Variants in PRDM15 observed in about 807,000 individuals in gnomAD.
PRDM15 encodes PR/SET domain 15, also known as PR domain zinc finger protein 15.
In PRDM15, 64 loss-of-function variants were observed where a neutral mutation model predicts 128.6. The ratio of observed to expected loss-of-function variants is 0.50; its 90% confidence interval spans 0.41 to 0.61. The LOEUF is 0.61. Among genes scored for constraint, PRDM15 ranks in the 20% least tolerant of loss-of-function variants. The pLI is 0.00. For missense variants in PRDM15, 1,242 were observed against 1,569.1 expected, an observed-to-expected ratio of 0.79 and a Z score of 3.52; for synonymous variants, 615 against 621.8, an observed-to-expected ratio of 0.99 and a Z score of 0.16.
At chr21:41,825,518 C>T (rs1380290198) in intron 13 of PRDM15, among the ~76,000 whole-genome samples, 1 of 152,218 alleles carries the variant, frequency 6.6e-6, no homozygotes, top group Non-Finnish European at 1.5e-5. Flanking sequence ...TGGGATCGGC[C>T]ATGCTCTAAC....
chr21:41,850,170 C>T (rs1012697148), intron 5 of PRDM15, among the ~76,000 whole-genome samples: 1 of 152,310 alleles, frequency 6.6e-6, no homozygotes, highest in East Asian at 1.9e-4. Flanking sequence ...GATTTCCATT[C>T]GTCCACGATC....
rs141367416 is a variant in PRDM15 at position 41,821,991 on chromosome 21, T to C, written c.1808A>G (p.Lys603Arg). Residue 603 changes from lysine to arginine, a missense_variant, in exon 15 of 24, where the codon AAG becomes AGG. Physicochemically the swap from Lys to Arg is conservative, Grantham distance 26. This residue lies in a region of PRDM15 where 602 missense variants were observed against 788.3 expected (regional missense o/e 0.76). Transcript: ENST00000398548. This position sits in a 1 kb window ranked among gnomAD's most constrained non-coding sequence, Gnocchi z 5.4. ...DDHQREEFIG[K>R]IGISSEENDD... is the part of the protein sequence containing the mutation. ...GTTTTCTTCCGAGGAGATCCCGATC[T>C]TGCCGATAAACTCTTCCCTCTGGTG... The C allele has an allele frequency of 5.1e-4, 828 of 1,614,206 alleles. No individual in the cohort carries two copies. The highest frequency in any genetic ancestry group is 4.3e-4 in the Non-Finnish European group (505 of 1,180,048).
rs1390889740 is a variant in PRDM15, at chr21:41,800,974, G to A, written c.*266C>T. 3 of 390,376 alleles carry A rather than the reference G, an allele frequency of 7.7e-6. No individual in the cohort carries two copies. The highest frequency in any genetic ancestry group is 3.8e-5 in the East Asian group (1 of 26,062). 24.2% of individuals were successfully genotyped at this position (390,376 alleles called of 1,614,324 possible). On this transcript the variant is annotated 3_prime_UTR_variant, in exon 24 of 24. Coordinates refer to ENST00000398548, the MANE Select transcript of PRDM15 (RefSeq NM_001040424.3). The stretch of plus-strand genomic sequence containing the variant: ...TGGTTCTGTAAGGGGAGGCAGATGC[G>A]GCCCCGGCCCAGGACTTACTGCCTT...
Position 41,817,791 on chromosome 21 carries a change from G to T in PRDM15, c.2260+1791C>A, listed in dbSNP as rs374666176. ...ACTAGCAACTGTTGCGTGATAGCAC[G>T]ATGACAATACTGGAATTTGGTATTC... is the stretch of plus-strand genomic sequence containing the variant. On this transcript the variant is annotated intron_variant, in intron 18 of 23. Coordinates refer to ENST00000398548, the MANE Select transcript of PRDM15 (RefSeq NM_001040424.3). Among the ~76,000 whole-genome samples, 12 of 152,302 alleles carry T rather than the reference G, an allele frequency of 7.9e-5. No individual in the cohort carries two copies. In the East Asian group the frequency reaches 1.7e-3, roughly 22 times the overall value.
At chr21:41,845,151 TC>T (rs555454812) in intron 6 of PRDM15, among the ~76,000 whole-genome samples, 1 of 432 alleles carries the variant, frequency 2.3e-3, no homozygotes, top group Non-Finnish European at 4.6e-3. Flanking sequence ...ACACAGCCCC[TC>T]CCCCCCTCAC....
At chr21:41,804,643 G>A (rs1394770023) in intron 21 of PRDM15, 29 bp from the exon 22 acceptor site, 5 of 1,516,556 alleles carry the variant, frequency 3.3e-6, no homozygotes, top group South Asian at 2.5e-5. Flanking sequence ...ATGAGCTGGG[G>A]GTCAGGGTGC....
rs1366787498 is a variant in PRDM15 at position 41,828,671 on chromosome 21, C to T, written c.1367-338G>A. ...GGAAAGCTGCCCAGTCCAAAGCTTC[C>T]CCTGGGCCTGCACCCTCCACCCAGC... On this transcript the variant is annotated intron_variant, in intron 11 of 23. Coordinates refer to ENST00000398548, the MANE Select transcript of PRDM15 (RefSeq NM_001040424.3). This position sits in a 1 kb window ranked among gnomAD's most constrained non-coding sequence, Gnocchi z 5.7. Among the ~76,000 whole-genome samples the T allele has an allele frequency of 5.3e-5, 8 of 151,956 alleles. No individual in the cohort carries two copies. The East Asian group carries it at 1.6e-3, about 29-fold the overall frequency.
At chr21:41,864,842 T>G (rs1233025523) in intron 1 of PRDM15, among the ~76,000 whole-genome samples, 4 of 152,046 alleles carry the variant, frequency 2.6e-5, no homozygotes, top group African/African-American at 2.4e-5. Flanking sequence ...CTCCTGCACA[T>G]GACCAGGCAC....
chr21:41,841,578 A>C (rs1409835433), intron 6 of PRDM15, among the ~76,000 whole-genome samples: 1 of 152,226 alleles, frequency 6.6e-6, no homozygotes, highest in Admixed American at 6.5e-5. Flanking sequence ...AGCCATACAT[A>C]AGGAAATTAG....
Position 41,821,980 on chromosome 21 carries a change from A to C in PRDM15, c.1819T>G (p.Ser607Ala). 6.2e-7 allele frequency: 1 copy of C among 1,614,212 alleles called. No homozygotes were observed. The highest frequency in any genetic ancestry group is 2.2e-5 in the East Asian group (1 of 44,884). ...GAATTGTCATCGTTTTCTTCCGAGG[A>C]GATCCCGATCTTGCCGATAAACTCT... ...REEFIGKIGI[S>A]SEENDDNSDE... Residue 607 changes from serine (S) to alanine (A), a missense_variant, in exon 15 of 24, where the codon TCC becomes GCC. Physicochemically the swap from Ser to Ala is moderately conservative, Grantham distance 99. Coordinates refer to ENST00000398548, the MANE Select transcript of PRDM15 (RefSeq NM_001040424.3). This position sits in a 1 kb window ranked among gnomAD's most constrained non-coding sequence, Gnocchi z 5.4.
At position 41,821,627 on chromosome 21, in the gene PRDM15, G is replaced by A. The variant is rs1255531412; in HGVS notation, c.1896+276C>T. Among the ~76,000 whole-genome samples, 2 of 152,182 alleles carry A rather than the reference G, an allele frequency of 1.3e-5. No homozygotes were observed. Among genetic ancestry groups the A allele is most frequent in the Non-Finnish European group, 2.9e-5 (2 of 68,018 alleles). On this transcript the variant is annotated intron_variant, in intron 15 of 23. Coordinates refer to ENST00000398548, the MANE Select transcript of PRDM15 (RefSeq NM_001040424.3). The surrounding 1 kb of genome is among the most constrained non-coding windows in gnomAD (Gnocchi z 5.4). ...TAGGAGGCCGACCCCCACACTTCATGTGTGTTCCTGAACCGTGTCACAAGG... is the reference window on the plus strand; with the variant it reads ...TAGGAGGCCGACCCCCACACTTCATATGTGTTCCTGAACCGTGTCACAAGG...
chr21:41,819,262 C>T (rs1303398302), intron 18 of PRDM15, among the ~76,000 whole-genome samples: 1 of 152,220 alleles, frequency 6.6e-6, no homozygotes, highest in Admixed American at 6.5e-5. Flanking sequence ...TGGTCACATC[C>T]CCTTCCAGAG....
Position 41,811,096 on chromosome 21 carries a change from A to G in PRDM15, c.2393-260T>C, listed in dbSNP as rs1431788102. The G allele has an allele frequency of 2.1e-6, 1 of 471,402 alleles. No individual in the cohort carries two copies. The highest frequency in any genetic ancestry group is 1.9e-5 in the African/African-American group (1 of 51,542). 29.2% of individuals were successfully genotyped at this position (471,402 alleles called of 1,614,324 possible). A position where few individuals can be genotyped will look rare whatever the true frequency, so the allele number is the denominator to read the frequency against. ...AGGCTGTCTGAAAACACAGACAGAA[A>G]GTGGAACCCACATGTGGACAAGCAG... On this transcript the variant is annotated intron_variant, in intron 19 of 23. Transcript: ENST00000398548. The surrounding 1 kb of genome is among the most constrained non-coding windows in gnomAD (Gnocchi z 4.1).
At chr21:41,835,647 C>T (rs1292911964) in intron 10 of PRDM15, 123 bp from the exon 11 acceptor site, 2 of 701,954 alleles carry the variant, frequency 2.8e-6, no homozygotes, top group Non-Finnish European at 5.1e-6. Context: ...CTCCACCACC[C>T]TCCCGCTCTA....
chr21:41,859,761 C>T lies in PRDM15; in HGVS notation c.38-76G>A, dbSNP rs1165072398. Reference sequence around the variant, plus strand: ...AGAACACAAACCTGGGAAATGGGGACCCTGGCCCCATGAGGGTGACCCAGA... The same window carrying T: ...AGAACACAAACCTGGGAAATGGGGATCCTGGCCCCATGAGGGTGACCCAGA... On this transcript the variant is annotated intron_variant, in intron 2 of 23. Coordinates refer to ENST00000398548, the MANE Select transcript of PRDM15 (RefSeq NM_001040424.3). The surrounding 1 kb of genome is among the most constrained non-coding windows in gnomAD (Gnocchi z 5.3). 6 of 1,261,326 alleles carry T rather than the reference C, an allele frequency of 4.8e-6. No individual in the cohort carries two copies. The highest frequency in any genetic ancestry group is 1.5e-5 in the African/African-American group (1 of 67,134). 78.1% of individuals were successfully genotyped at this position (1,261,326 alleles called of 1,614,324 possible).
At chr21:41,829,200 TACAC>T (rs1759919911) in intron 11 of PRDM15, among the ~76,000 whole-genome samples, 3 of 122,128 alleles carry the variant, frequency 2.5e-5, no homozygotes, top group African/African-American at 1.0e-4. Context: ...CACACACACA[TACAC>T]ATACATGTCA....
At chr21:41,875,564 A>G (rs1018752871) in intron 1 of PRDM15, among the ~76,000 whole-genome samples, 1 of 152,268 alleles carries the variant, frequency 6.6e-6, no homozygotes. Flanking sequence ...ATCTATTAGA[A>G]TCTAGGCACG....
intron 19 of PRDM15, 42 bp downstream of exon 19, chr21:41,815,663 C>T: frequency 6.2e-7 from 1 of 1,607,202 alleles, no homozygotes; most frequent in Non-Finnish European, 8.5e-7. Context: ...CTTCCCTACA[C>T]AGTGAGCGCC....
intron 6 of PRDM15, among the ~76,000 whole-genome samples, chr21:41,845,343 TC>T (rs1457431318): frequency 8.6e-6 from 1 of 115,960 alleles, no homozygotes; most frequent in African/African-American, 3.4e-5. Flanking sequence ...ACACAGCCCC[TC>T]CCCGTTCACA....
Sources: gnomAD v4.1 joint callset for allele counts (sites outside exome capture counted in the v4.1 genomes callset) on GRCh38, gnomAD v4.1.1 for gene constraint, gnomAD v4.1.1 regional missense constraint, Gnocchi (gnomAD v3.1) non-coding constraint, MANE v1.5 for transcripts, NCBI Gene and HGNC (gene_info 2026-07-23, HGNC 2026-07-21) for gene names.